The following SRGAP1 variants were observed in gnomAD, a reference collection of about 807,000 sequenced individuals.
SRGAP1 encodes SLIT-ROBO Rho GTPase activating protein 1.
SRGAP1 carries 43 observed loss-of-function variants against 121.9 expected under a neutral mutation model. That is an observed-to-expected ratio of 0.35 (90% confidence interval 0.28 to 0.46). The LOEUF (loss-of-function observed/expected upper bound fraction) is 0.46. Ranked by LOEUF, SRGAP1 falls within the 20% of genes least tolerant of loss-of-function variation. SRGAP1 has a pLI of 1.00. For missense variants in SRGAP1, 1,102 were observed against 1,350.9 expected (o/e 0.82, Z 2.89); for synonymous variants, 447 against 485.4 (o/e 0.92, Z 1.04).
rs1268344955 is a variant in SRGAP1, at chr12:64,153,914, G to C, written c.*11242G>C. 1 of 152,040 alleles carries C rather than the reference G, an allele frequency of 6.6e-6. No homozygotes were observed. The highest frequency in any genetic ancestry group is 2.4e-5 in the African/African-American group (1 of 41,380). 9.4% of individuals were successfully genotyped at this position (152,040 alleles called of 1,614,324 possible). On this transcript the variant is annotated 3_prime_UTR_variant, in exon 22 of 22. Transcript: ENST00000355086. Reference sequence around the variant, plus strand: ...GAAGCAACCCATGAATGGATGAATGGGTAAAGAAAATGTGCCATACACATA... The same window carrying C: ...GAAGCAACCCATGAATGGATGAATGCGTAAAGAAAATGTGCCATACACATA...
At chr12:63,990,096 A>T (rs1243234801) in intron 3 of SRGAP1, 24 bp downstream of exon 3, 5 of 1,563,278 alleles carry the variant, frequency 3.2e-6, no homozygotes, top group Non-Finnish European at 4.3e-6. Flanking sequence ...ATCCTGCCAT[A>T]GTGTGCTTTC....
At chr12:63,939,532 G>T (rs888337147) in intron 1 of SRGAP1, among the ~76,000 whole-genome samples, 3 of 152,156 alleles carry the variant, frequency 2.0e-5, no homozygotes, top group South Asian at 2.1e-4. Context: ...AGGGAAGCTA[G>T]AAAAGAGACC....
intron 15 of SRGAP1, among the ~76,000 whole-genome samples, chr12:64,100,966 A>G (rs2036244203): frequency 6.6e-6 from 1 of 152,182 alleles, no homozygotes; most frequent in African/African-American, 2.4e-5. Context: ...AATGTATAAA[A>G]CTGTCTAGGG....
intron 3 of SRGAP1, among the ~76,000 whole-genome samples, chr12:64,000,411 C>T (rs1426352635): frequency 6.6e-6 from 1 of 151,876 alleles, no homozygotes; most frequent in Non-Finnish European, 1.5e-5. Context: ...GAGTTCAAGA[C>T]CAGCGTGGGC....
intron 6 of SRGAP1, among the ~76,000 whole-genome samples, chr12:64,052,220 G>A (rs925859817): frequency 1.1e-4 from 17 of 152,106 alleles, no homozygotes; most frequent in Admixed American, 9.2e-4. Context: ...TGTGACTGGG[G>A]AGGGGGAACT....
At chr12:63,948,375 A>G (rs1158042991) in intron 1 of SRGAP1, among the ~76,000 whole-genome samples, 1 of 152,120 alleles carries the variant, frequency 6.6e-6, no homozygotes, top group Non-Finnish European at 1.5e-5. Context: ...TTTTTCTCTT[A>G]ACAAAAATAA....
chr12:63,924,257 A>T (rs1426427917), intron 1 of SRGAP1, among the ~76,000 whole-genome samples: 1 of 152,224 alleles, frequency 6.6e-6, no homozygotes, highest in Non-Finnish European at 1.5e-5. Context: ...AGGTTCTTCA[A>T]GTTATTAGAC....
chr12:64,087,430 T>G (rs1593115294), intron 11 of SRGAP1, among the ~76,000 whole-genome samples: 1 of 152,254 alleles, frequency 6.6e-6, no homozygotes, highest in Non-Finnish European at 1.5e-5. Flanking sequence ...CTATTTTCCT[T>G]TAGTCATATA....
At chr12:63,964,546 T>G (rs187689283) in intron 1 of SRGAP1, among the ~76,000 whole-genome samples, 293 of 152,200 alleles carry the variant, frequency 1.9e-3, no homozygotes, top group African/African-American at 6.5e-3. Flanking sequence ...ATTGACCCTT[T>G]CCAGTAGCCT....
intron 2 of SRGAP1, among the ~76,000 whole-genome samples, chr12:63,986,846 T>A (rs1283686935): frequency 2.6e-5 from 4 of 152,210 alleles, no homozygotes; most frequent in Admixed American, 2.6e-4. Context: ...ACGTTTTTGT[T>A]TCTCTTGGTT....
intron 3 of SRGAP1, among the ~76,000 whole-genome samples, chr12:64,014,159 T>A (rs1385293218): frequency 6.6e-6 from 1 of 152,214 alleles, no homozygotes; most frequent in Non-Finnish European, 1.5e-5. Flanking sequence ...ATTTTACAGG[T>A]CAGGAAACTG....
intron 1 of SRGAP1, among the ~76,000 whole-genome samples, chr12:63,950,674 CAA>C (rs957791779): frequency 7.2e-5 from 11 of 152,252 alleles, no homozygotes; most frequent in African/African-American, 2.4e-4. Flanking sequence ...CCATCTTAAC[CAA>C]AGTCTTTGAG....
chr12:63,933,038 A>G (rs891358945), intron 1 of SRGAP1, among the ~76,000 whole-genome samples: 3 of 152,170 alleles, frequency 2.0e-5, no homozygotes, highest in African/African-American at 4.8e-5. Flanking sequence ...AAATACAAAA[A>G]TTAGCTGGAC....
intron 1 of SRGAP1, among the ~76,000 whole-genome samples, chr12:63,918,797 T>C (rs539792341): frequency 3.9e-5 from 6 of 152,312 alleles, no homozygotes; most frequent in Admixed American, 3.3e-4. Context: ...TTATTGTATA[T>C]GCCGAGTACT....
chr12:63,900,198 C>CTTTTTCTTTT (rs1900892970), intron 1 of SRGAP1, among the ~76,000 whole-genome samples: 1 of 100,600 alleles, frequency 9.9e-6, no homozygotes, highest in African/African-American at 3.7e-5. Flanking sequence ...TTTTCTTTTT[C>CTTTTTCTTTT]TTTTTCTTTT....
chr12:63,867,704 G>T (rs1418286048), intron 1 of SRGAP1, among the ~76,000 whole-genome samples: 2 of 151,956 alleles, frequency 1.3e-5, no homozygotes, highest in Non-Finnish European at 2.9e-5. Context: ...ATAACAATGA[G>T]TTGCTATCAT....
chr12:64,104,959 C>G (rs574781564), intron 15 of SRGAP1, among the ~76,000 whole-genome samples: 34 of 151,824 alleles, frequency 2.2e-4, no homozygotes, highest in Admixed American at 2.2e-3. Flanking sequence ...GTGTACAGTT[C>G]GGTGGCATTA....
intron 1 of SRGAP1, among the ~76,000 whole-genome samples, chr12:63,978,467 G>GT (rs970515641): frequency 6.6e-6 from 1 of 152,038 alleles, no homozygotes; most frequent in African/African-American, 2.4e-5. Context: ...ATAGACTGTG[G>GT]TTTTTTGTGA....
chr12:63,898,997 G>A (rs1900842546), intron 1 of SRGAP1, among the ~76,000 whole-genome samples: 1 of 152,134 alleles, frequency 6.6e-6, no homozygotes, highest in Non-Finnish European at 1.5e-5. Context: ...AAGCAGCTGA[G>A]TTACCATTAT....
Sources: allele counts gnomAD v4.1 joint callset (sites outside exome capture counted in the v4.1 genomes callset), GRCh38; gene constraint gnomAD v4.1.1; transcripts MANE v1.5; gene names NCBI Gene and HGNC (gene_info 2026-07-23, HGNC 2026-07-21).